The following CTIF variants were observed in gnomAD, a reference collection of about 807,000 sequenced individuals.
CTIF encodes CBP80/20-dependent translation initiation factor.
In CTIF, 21 loss-of-function variants were observed where a neutral mutation model predicts 66.0. The observed-to-expected ratio is 0.32, with a 90% CI of 0.23 to 0.46. The LOEUF (loss-of-function observed/expected upper bound fraction) is 0.46. Among genes scored for constraint, CTIF ranks in the 20% least tolerant of loss-of-function variants. The pLI is 1.00. For synonymous variants in CTIF, 345 were observed against 326.4 expected, an observed-to-expected ratio of 1.06 and a Z score of -0.62; for missense variants, 739 against 812.7, an observed-to-expected ratio of 0.91 and a Z score of 1.10.
chr18:48,621,587 G>C (rs776337003), intron 2 of CTIF: 3 of 383,952 alleles, frequency 7.8e-6, no homozygotes, highest in Non-Finnish European at 5.1e-6. Flanking sequence ...GAGCCCAGGA[G>C]GGGAGTCGAG....
At chr18:48,613,894 C>T (rs1460160906) in intron 1 of CTIF, among the ~76,000 whole-genome samples, 1 of 152,200 alleles carries the variant, frequency 6.6e-6, no homozygotes, top group Non-Finnish European at 1.5e-5. Flanking sequence ...GGGCTGCCCG[C>T]CCCTGTGGTG....
chr18:48,743,833 AG>A lies in CTIF; in HGVS notation c.585-14084del, dbSNP rs1437265115. On this transcript the variant is annotated intron_variant, in intron 7 of 11. Coordinates refer to ENST00000256413, the MANE Select transcript of CTIF (RefSeq NM_014772.3). ...TTCCAAGAGAAACTATTATGGTGAG[AG>A]GAATTCTCAAATCCCAAAGAGTCAA... 3.3e-5 allele frequency among the ~76,000 whole-genome samples: 5 copies of A among 152,202 alleles called. No homozygotes were observed. The East Asian group carries it at 9.6e-4, about 29-fold the overall frequency.
intron 10 of CTIF, among the ~76,000 whole-genome samples, chr18:48,836,771 G>T (rs1317788600): frequency 6.6e-6 from 1 of 152,222 alleles, no homozygotes; most frequent in Non-Finnish European, 1.5e-5. Context: ...GAGTTCTGGT[G>T]CTGGCTCTGC....
intron 9 of CTIF, among the ~76,000 whole-genome samples, chr18:48,813,064 T>A (rs1568239030): frequency 6.6e-6 from 1 of 152,196 alleles, no homozygotes; most frequent in South Asian, 2.1e-4. Flanking sequence ...TCTATTCTGC[T>A]CTCTAGGTGG....
intron 9 of CTIF, among the ~76,000 whole-genome samples, chr18:48,803,458 G>A (rs1357074543): frequency 1.3e-5 from 2 of 152,190 alleles, no homozygotes; most frequent in East Asian, 3.8e-4. Context: ...TTTTGGATGG[G>A]ACAGAAAGGG....
At chr18:48,710,190 A>G (rs753702452) in intron 6 of CTIF, among the ~76,000 whole-genome samples, 19 of 152,350 alleles carry the variant, frequency 1.2e-4, no homozygotes, top group Non-Finnish European at 2.5e-4. Context: ...CACAGGGTGT[A>G]ACCCACAGGA....
intron 1 of CTIF, chr18:48,567,759 G>C (rs1168072157): frequency 6.6e-6 from 1 of 152,272 alleles, no homozygotes; most frequent in African/African-American, 2.4e-5. Context: ...AGTGGGGTTG[G>C]CAATGAGGGG....
intron 7 of CTIF, among the ~76,000 whole-genome samples, chr18:48,713,590 A>G (rs1401965275): frequency 6.6e-6 from 1 of 152,182 alleles, no homozygotes; most frequent in African/African-American, 2.4e-5. Flanking sequence ...TGGACGGGCC[A>G]GGGTCCAAAG....
At chr18:48,723,148 C>A (rs2092356149) in intron 7 of CTIF, among the ~76,000 whole-genome samples, 1 of 152,196 alleles carries the variant, frequency 6.6e-6, no homozygotes, top group South Asian at 2.1e-4. Flanking sequence ...CTGGGACCCC[C>A]TCCTTCCCCA....
Position 48,855,033 on chromosome 18 carries a change from G to A in CTIF, c.1528-2555G>A, listed in dbSNP as rs150776960. The stretch of plus-strand genomic sequence containing the variant: ...ACCGCCCCGGAGCTGCATTTCCACC[G>A]CCCTGGAGCAGGGCCTGGTCTGTCT... On this transcript the variant is annotated intron_variant, in intron 10 of 11. Coordinates refer to ENST00000256413, the MANE Select transcript of CTIF (RefSeq NM_014772.3). Among the ~76,000 whole-genome samples, 551 of 152,306 alleles carry A rather than the reference G, an allele frequency of 3.6e-3. 4 individuals are homozygous for A. The highest frequency in any genetic ancestry group is 0.012 in the African/African-American group (508 of 41,564).
At chr18:48,657,078 G>C (rs773767584) in intron 3 of CTIF, among the ~76,000 whole-genome samples, 1 of 152,228 alleles carries the variant, frequency 6.6e-6, no homozygotes, top group Non-Finnish European at 1.5e-5. Context: ...CGAAAGGGGA[G>C]AGAGTTAACA....
At chr18:48,843,689 A>T (rs1336458313) in intron 10 of CTIF, among the ~76,000 whole-genome samples, 3 of 152,074 alleles carry the variant, frequency 2.0e-5, no homozygotes, top group Non-Finnish European at 4.4e-5. Flanking sequence ...TATATGATCC[A>T]CATCAGGGCA....
intron 2 of CTIF, 33 bp downstream of exon 2, chr18:48,619,778 G>A (rs772867724): frequency 6.7e-7 from 1 of 1,487,152 alleles, no homozygotes; most frequent in African/African-American, 1.4e-5. Flanking sequence ...GGCAGCTTGG[G>A]AAATTCAGAG....
At chr18:48,668,215 T>C (rs540839969) in intron 5 of CTIF, among the ~76,000 whole-genome samples, 1 of 152,346 alleles carries the variant, frequency 6.6e-6, no homozygotes, top group East Asian at 1.9e-4. Flanking sequence ...GTTTGGAGTG[T>C]GCTAGGCTGG....
intron 3 of CTIF, among the ~76,000 whole-genome samples, chr18:48,640,335 G>A (rs1488193453): frequency 1.3e-5 from 2 of 152,216 alleles, no homozygotes; most frequent in African/African-American, 4.8e-5. Context: ...CGGGAGTCAG[G>A]GCGGGCTCTA....
intron 6 of CTIF, among the ~76,000 whole-genome samples, chr18:48,687,402 T>C (rs2091859284): frequency 6.7e-6 from 1 of 149,558 alleles, no homozygotes; most frequent in Admixed American, 6.7e-5. Flanking sequence ...TAAGCCCCAG[T>C]CGTCTGAGGG....
chr18:48,857,335 A>G (rs924121993), intron 10 of CTIF, among the ~76,000 whole-genome samples: 2 of 152,218 alleles, frequency 1.3e-5, no homozygotes, highest in African/African-American at 4.8e-5. Context: ...GACCTGGCCC[A>G]GGGGCTCCAC....
At chr18:48,763,061 T>C (rs955811630) in intron 9 of CTIF, among the ~76,000 whole-genome samples, 4 of 152,218 alleles carry the variant, frequency 2.6e-5, no homozygotes, top group African/African-American at 9.7e-5. Flanking sequence ...TGGGGCATGT[T>C]CCTCGCGGGC....
intron 7 of CTIF, among the ~76,000 whole-genome samples, chr18:48,757,714 A>G (rs1908525820): frequency 6.6e-6 from 1 of 152,226 alleles, no homozygotes; most frequent in Admixed American, 6.5e-5. Context: ...GGTCCTCTGC[A>G]GTAGCAAGGA....
Sources: allele counts gnomAD v4.1 joint callset (sites outside exome capture counted in the v4.1 genomes callset), GRCh38; gene constraint gnomAD v4.1.1; transcripts MANE v1.5; gene names NCBI Gene and HGNC (gene_info 2026-07-23, HGNC 2026-07-21).